The following RALGAPB variants were observed in gnomAD, a reference collection of about 807,000 sequenced individuals.
RALGAPB encodes ral GTPase-activating protein subunit beta.
RALGAPB carries 25 observed loss-of-function variants against 161.1 expected under a neutral mutation model. The ratio of observed to expected loss-of-function variants is 0.16; its 90% CI spans 0.11 to 0.22. The LOEUF (loss-of-function observed/expected upper bound fraction) is 0.22. Ranked by LOEUF, RALGAPB falls within the 10% of genes least tolerant of loss-of-function variation. The pLI is 1.00. For missense variants in RALGAPB, 1,391 were observed against 1,815.2 expected (o/e 0.77, Z 4.25); for synonymous variants, 629 against 626.1 (o/e 1.00, Z -0.07).
At chr20:38,497,220 G>T in intron 3 of RALGAPB, 133 bp from the exon 4 acceptor site, 1 of 776,394 alleles carries the variant, frequency 1.3e-6, no homozygotes, top group East Asian at 2.7e-5. Context: ...AAGACGGTAT[G>T]CCTAGCCCTC....
At position 38,546,227 on chromosome 20, in the gene RALGAPB, T is replaced by C; in HGVS notation, c.2715-16T>C. 6.2e-7 allele frequency: 1 copy of C among 1,613,372 alleles called. No homozygotes were observed. The highest frequency in any genetic ancestry group is 8.5e-7 in the Non-Finnish European group (1 of 1,179,390). On this transcript the variant is annotated splice_polypyrimidine_tract_variant and intron_variant, in intron 18 of 29. Coordinates refer to ENST00000262879, the MANE Select transcript of RALGAPB (RefSeq NM_020336.4). The stretch of plus-strand genomic sequence containing the variant: ...TTGCTTTGGGAATTAACTGTTATCT[T>C]TTCCATTCTCCATAGCATTATGCAG...
intron 3 of RALGAPB, among the ~76,000 whole-genome samples, chr20:38,494,330 G>T (rs2085356356): frequency 6.6e-6 from 1 of 152,130 alleles, no homozygotes; most frequent in Non-Finnish European, 1.5e-5. Flanking sequence ...ATTTCACATG[G>T]AATTAAAAAC....
At chr20:38,549,198 T>C (rs778706505) in intron 20 of RALGAPB, among the ~76,000 whole-genome samples, 54 of 152,172 alleles carry the variant, frequency 3.5e-4, no homozygotes, top group Admixed American at 1.4e-3. Flanking sequence ...GATTTGTTCT[T>C]ATATAATAAT....
chr20:38,568,241 C>T (rs1380500367), intron 26 of RALGAPB, among the ~76,000 whole-genome samples: 1 of 147,960 alleles, frequency 6.8e-6, no homozygotes, highest in Non-Finnish European at 1.5e-5. Flanking sequence ...CACTAACAGA[C>T]TAAAAACAAA....
At chr20:38,475,125 T>C (rs1202320980) in intron 1 of RALGAPB, among the ~76,000 whole-genome samples, 2 of 152,218 alleles carry the variant, frequency 1.3e-5, no homozygotes, top group African/African-American at 4.8e-5. Flanking sequence ...ATCATGTCTG[T>C]AGGGAAAGTC....
intron 21 of RALGAPB, among the ~76,000 whole-genome samples, chr20:38,552,511 A>G (rs546434073): frequency 6.6e-6 from 1 of 152,162 alleles, no homozygotes; most frequent in Non-Finnish European, 1.5e-5. Context: ...ATGCTTATAG[A>G]TTGAAAGGAA....
Position 38,511,077 on chromosome 20 carries a change from G to T in RALGAPB, c.872+1869G>T, listed in dbSNP as rs1341854146. On this transcript the variant is annotated intron_variant, in intron 6 of 29. Transcript: ENST00000262879. ...GATTCTCGTATCTGGCTAGCAGATG[G>T]GGAACAGAGAGCAAGGAAAATTTTG... Among the ~76,000 whole-genome samples the T allele has an allele frequency of 2.0e-5, 3 of 152,204 alleles. No homozygotes were observed. In the East Asian group the frequency reaches 5.8e-4, roughly 29 times the overall value.
chr20:38,546,170 G>A, intron 18 of RALGAPB, 73 bp from the exon 19 acceptor site: 1 of 1,600,272 alleles, frequency 6.2e-7, no homozygotes. Context: ...AGTGGAAGGG[G>A]ACACATTGAT....
chr20:38,495,298 A>T (rs980169659), intron 3 of RALGAPB, among the ~76,000 whole-genome samples: 3 of 148,714 alleles, frequency 2.0e-5, no homozygotes, highest in African/African-American at 7.4e-5. Flanking sequence ...CATCAGTTTG[A>T]TTTTTTTTTT....
chr20:38,524,303 C>T lies in RALGAPB; in HGVS notation c.1620-475C>T, dbSNP rs569932134. Among the ~76,000 whole-genome samples the T allele has an allele frequency of 2.6e-5, 4 of 152,304 alleles. No homozygotes were observed. The East Asian group carries it at 5.8e-4, about 22-fold the overall frequency. On this transcript the variant is annotated intron_variant, in intron 10 of 29. Transcript: ENST00000262879. Reference sequence around the variant, plus strand: ...TGGGGAAGGGACAAAAATGTAAACACACCTTTTTCCCTAGGAATTACTAAA... The same window carrying T: ...TGGGGAAGGGACAAAAATGTAAACATACCTTTTTCCCTAGGAATTACTAAA...
At chr20:38,477,850 G>A (rs545634769) in intron 1 of RALGAPB, among the ~76,000 whole-genome samples, 1 of 152,312 alleles carries the variant, frequency 6.6e-6, no homozygotes, top group African/African-American at 2.4e-5. Flanking sequence ...GTCACCGAGT[G>A]CGGTGGCTGA....
Position 38,516,495 on chromosome 20 carries a change from G to A in RALGAPB, c.1051+125G>A, listed in dbSNP as rs144146115. On this transcript the variant is annotated intron_variant, in intron 7 of 29. Coordinates refer to ENST00000262879, the MANE Select transcript of RALGAPB (RefSeq NM_020336.4). ...GAACAGATTTGATGACAAATAACAA[G>A]CGAGGAAAAATTATTTGCAACAAAT... 2.3e-4 allele frequency: 226 copies of A among 971,254 alleles called. 1 individual carries two copies. The African/African-American group carries it at 3.4e-3, about 15-fold the overall frequency. The allele number at this position is 971,254 out of a possible 1,614,324, so 60.2% of individuals were successfully genotyped here.
At chr20:38,506,106 T>C (rs1448021135) in intron 5 of RALGAPB, among the ~76,000 whole-genome samples, 1 of 152,202 alleles carries the variant, frequency 6.6e-6, no homozygotes, top group Admixed American at 6.5e-5. Context: ...TGTGTATGCA[T>C]TGTATTAGGT....
intron 3 of RALGAPB, among the ~76,000 whole-genome samples, chr20:38,495,370 T>C (rs913446054): frequency 1.1e-4 from 16 of 152,220 alleles, no homozygotes; most frequent in African/African-American, 3.6e-4. Flanking sequence ...TGCTCACATA[T>C]ACTATACTGT....
chr20:38,510,478 C>G (rs1003212594), intron 6 of RALGAPB, among the ~76,000 whole-genome samples: 3 of 152,164 alleles, frequency 2.0e-5, no homozygotes, highest in Admixed American at 2.0e-4. Context: ...TTTAACATTT[C>G]AGATCAATTT....
intron 17 of RALGAPB, among the ~76,000 whole-genome samples, chr20:38,540,497 T>C (rs2086932996): frequency 6.6e-6 from 1 of 152,340 alleles, no homozygotes; most frequent in Non-Finnish European, 1.5e-5. Flanking sequence ...AAAGGAGAGA[T>C]CATTGGATAT....
At chr20:38,477,111 T>A (rs1486186704) in intron 1 of RALGAPB, among the ~76,000 whole-genome samples, 1 of 152,222 alleles carries the variant, frequency 6.6e-6, no homozygotes, top group Non-Finnish European at 1.5e-5. Flanking sequence ...TCTGCAATCA[T>A]GGAACTAAAT....
intron 4 of RALGAPB, among the ~76,000 whole-genome samples, chr20:38,498,103 CA>C (rs1568913968): frequency 6.7e-6 from 1 of 149,160 alleles, no homozygotes; most frequent in Non-Finnish European, 1.5e-5. Flanking sequence ...AACAATTAAC[CA>C]ATTAAATTAG....
chr20:38,540,074 T>G, intron 17 of RALGAPB, 116 bp downstream of exon 17: 1 of 867,372 alleles, frequency 1.2e-6, no homozygotes, highest in Non-Finnish European at 1.7e-6. Flanking sequence ...AAACTGAAAA[T>G]ACTTGTTAGA....
Sources: allele counts gnomAD v4.1 joint callset (sites outside exome capture counted in the v4.1 genomes callset), GRCh38; gene constraint gnomAD v4.1.1; transcripts MANE v1.5; gene names NCBI Gene and HGNC (gene_info 2026-07-23, HGNC 2026-07-21).